TMEM52B: variants seen among roughly 807,000 people sequenced by gnomAD.
TMEM52B encodes transmembrane protein 52B.
In TMEM52B, 11 loss-of-function variants were observed where a neutral mutation model predicts 16.1. The observed-to-expected ratio is 0.68, with a 90% CI of 0.43 to 1.13. The LOEUF is 1.13. Ranked by LOEUF, TMEM52B falls within the 50% of genes most tolerant of loss-of-function variation. The pLI is 0.00. For missense variants in TMEM52B, 243 were observed against 230.4 expected, an observed-to-expected ratio of 1.05 and a Z score of -0.35; for synonymous variants, 101 against 93.8, an observed-to-expected ratio of 1.08 and a Z score of -0.45.
In TMEM52B at chr12:10,179,486, T is replaced by C. The variant is rs974089210; in HGVS notation, c.-89T>C. ...GAAAAGTTTCTCTTCTTAAGAATTC[T>C]AGGTCAAGAAGTAAAATATGGCACA... On this transcript the variant is annotated 5_prime_UTR_variant, in exon 1 of 5. Coordinates refer to ENST00000543484, the MANE Select transcript of TMEM52B (RefSeq NM_001384896.1). The C allele has an allele frequency of 6.4e-6, 9 of 1,409,836 alleles. 1 individual carries two copies. Among genetic ancestry groups the C allele is most frequent in the Non-Finnish European group, 9.0e-6 (9 of 995,136 alleles). 87.3% of individuals were successfully genotyped at this position (1,409,836 alleles called of 1,614,324 possible).
At chr12:10,171,854 C>T in intron 1 of TMEM52B, 1 of 585,766 alleles carries the variant, frequency 1.7e-6, no homozygotes. Flanking sequence ...ATCATTATAG[C>T]CTTCTTGTTT....
At chr12:10,176,038 A>G (rs545227572), upstream of TMEM52B, among the ~76,000 whole-genome samples, 11 of 152,352 alleles carry the variant, frequency 7.2e-5, no homozygotes, top group African/African-American at 2.6e-4. Context: ...CTACCTGGAC[A>G]TAAGCTAATG....
rs1948801381 is a variant in TMEM52B at position 10,179,770 on chromosome 12, A to T, written c.54+142A>T. The T allele has an allele frequency of 4.5e-6, 4 of 886,050 alleles. No individual in the cohort carries two copies. The Admixed American group carries it at 8.6e-5, about 19-fold the overall frequency. The allele number at this position is 886,050 out of a possible 1,614,324, so 54.9% of individuals were successfully genotyped here. The stretch of plus-strand genomic sequence containing the variant: ...TCATAGGGAAATGAATAAACTACAA[A>T]GTTTCCTTAGTATTACGAGATTGCA... On this transcript the variant is annotated intron_variant, in intron 1 of 4. Coordinates refer to ENST00000543484, the MANE Select transcript of TMEM52B (RefSeq NM_001384896.1).
chr12:10,177,565 T>C (rs907610793), upstream of TMEM52B, among the ~76,000 whole-genome samples: 2 of 151,884 alleles, frequency 1.3e-5, no homozygotes, highest in African/African-American at 4.8e-5. Context: ...CTTCTACTTT[T>C]CTTATCCCAG....
At chr12:10,180,559 A>T (rs1948811047) in intron 1 of TMEM52B, among the ~76,000 whole-genome samples, 1 of 152,106 alleles carries the variant, frequency 6.6e-6, no homozygotes, top group African/African-American at 2.4e-5. Context: ...GAAAACACAA[A>T]CACGGGTTTC....
chr12:10,174,338 C>T (rs767652132), upstream of TMEM52B, among the ~76,000 whole-genome samples: 24 of 152,314 alleles, frequency 1.6e-4, no homozygotes, highest in Middle Eastern at 6.8e-3. Context: ...GCTGGGATTA[C>T]AAGCGTGAGC....
At chr12:10,186,692 C>T in intron 4 of TMEM52B, 103 bp downstream of exon 4, 1 of 1,190,278 alleles carries the variant, frequency 8.4e-7, no homozygotes, top group South Asian at 2.6e-5. Flanking sequence ...ATTAAAGATT[C>T]CAGGACTCAC....
At chr12:10,186,642 T>C (rs1948883605) in intron 4 of TMEM52B, 53 bp downstream of exon 4, 1 of 1,493,096 alleles carries the variant, frequency 6.7e-7, no homozygotes, top group Non-Finnish European at 9.1e-7. Context: ...AAGGGAATAA[T>C]GAAAAGGGTG....
chr12:10,177,285 G>A (rs969930801), upstream of TMEM52B, among the ~76,000 whole-genome samples: 7 of 152,194 alleles, frequency 4.6e-5, no homozygotes, highest in Admixed American at 2.6e-4. Context: ...TGCTCATTTC[G>A]TCTTGAAACT....
rs777157262 is a variant in TMEM52B, at chr12:10,186,408, G to A, written c.138-12G>A. On this transcript the variant is annotated splice_polypyrimidine_tract_variant and intron_variant, in intron 3 of 4. Coordinates refer to ENST00000543484, the MANE Select transcript of TMEM52B (RefSeq NM_001384896.1). ...ATCCCAGAGCTCCCACTCGCCCCGT[G>A]GGCTTTTGCAGGTTGCTAGTGGTAA... 8.2e-6 allele frequency: 13 copies of A among 1,594,354 alleles called. No individual in the cohort carries two copies. The African/African-American group carries it at 1.6e-4, about 20-fold the overall frequency.
chr12:10,180,449 T>A (rs573194249), intron 1 of TMEM52B, among the ~76,000 whole-genome samples: 1 of 152,214 alleles, frequency 6.6e-6, no homozygotes. Flanking sequence ...CTGAGCACTT[T>A]AGGCTTCTCT....
rs986294593 is a variant in TMEM52B, at chr12:10,190,720, A to C, written c.*580A>C. ...ACAGTATAGTATTTAAGTGCCAAAT[A>C]TCAGTCTTTCTTTCTCTCTGGTCCT... On this transcript the variant is annotated 3_prime_UTR_variant, in exon 5 of 5. Transcript: ENST00000543484. 6.4e-6 allele frequency: 1 copy of C among 157,480 alleles called. No individual in the cohort carries two copies. Among genetic ancestry groups the C allele is most frequent in the Non-Finnish European group, 1.4e-5 (1 of 70,836 alleles). The allele number at this position is 157,480 out of a possible 1,614,324, so 9.8% of individuals were successfully genotyped here. A position where few individuals can be genotyped will look rare whatever the true frequency, so the allele number is the denominator to read the frequency against.
intron 1 of TMEM52B, among the ~76,000 whole-genome samples, chr12:10,181,555 C>T (rs1375824930): frequency 6.6e-6 from 1 of 151,012 alleles, no homozygotes; most frequent in Non-Finnish European, 1.5e-5. Context: ...GTCTCGAACT[C>T]CTGACCTCAT....
intron 2 of TMEM52B, among the ~76,000 whole-genome samples, chr12:10,183,883 T>A (rs576999058): frequency 6.6e-6 from 1 of 152,212 alleles, no homozygotes; most frequent in South Asian, 2.1e-4. Flanking sequence ...CCCTATCTCC[T>A]AGCATACAAC....
intron 1 of TMEM52B, among the ~76,000 whole-genome samples, chr12:10,180,303 A>T (rs973966017): frequency 1.2e-4 from 18 of 151,076 alleles, no homozygotes; most frequent in African/African-American, 4.1e-4. Flanking sequence ...CTAATAGAAC[A>T]GTTAAAGTGG....
chr12:10,189,757 A>T (rs12306715), intron 4 of TMEM52B, 139 bp from the exon 5 acceptor site: 466,534 of 1,191,320 alleles, frequency 0.39, 95,395 homozygotes, highest in Middle Eastern at 0.45. Context: ...GGATATTCAT[A>T]AAATTTGGGG....
chr12:10,180,684 A>T (rs1301537822), intron 1 of TMEM52B, among the ~76,000 whole-genome samples: 2 of 152,188 alleles, frequency 1.3e-5, no homozygotes, highest in Admixed American at 1.3e-4. Context: ...AACTCCCAAT[A>T]GTTACAAATC....
At chr12:10,179,736 C>T in intron 1 of TMEM52B, 108 bp downstream of exon 1, 1 of 1,281,038 alleles carries the variant, frequency 7.8e-7, no homozygotes, top group African/African-American at 1.5e-5. Flanking sequence ...ATATACAGAA[C>T]CCAGGGGGTC....
intron 1 of TMEM52B, chr12:10,182,039 A>AC: frequency 6.8e-6 from 2 of 294,804 alleles, no homozygotes; most frequent in Non-Finnish European, 8.7e-6. Flanking sequence ...AAAAAAAAAA[A>AC]ACAAAAAAAA....
Sources: gnomAD v4.1 joint callset for allele counts (sites outside exome capture counted in the v4.1 genomes callset) on GRCh38, gnomAD v4.1.1 for gene constraint, MANE v1.5 for transcripts, NCBI Gene and HGNC (gene_info 2026-07-23, HGNC 2026-07-21) for gene names.